Variants in DLEC1 observed in about 807,000 individuals in gnomAD.
DLEC1 encodes DLEC1 cilia and flagella associated protein.
Under a neutral mutation model 198.1 loss-of-function variants are expected in DLEC1, and 146 were observed. The ratio of observed to expected loss-of-function variants is 0.74; its 90% CI spans 0.64 to 0.85. DLEC1 has a LOEUF of 0.85. Ranked by LOEUF, DLEC1 falls within the 40% of genes least tolerant of loss-of-function variation. The pLI is 0.00. For synonymous variants in DLEC1, 897 were observed against 866.8 expected, an observed-to-expected ratio of 1.03 and a Z score of -0.61; for missense variants, 2,233 against 2,220.0, an observed-to-expected ratio of 1.01 and a Z score of -0.12.
At chr3:38,094,055 A>C (rs1209650949) in intron 12 of DLEC1, among the ~76,000 whole-genome samples, 1 of 152,172 alleles carries the variant, frequency 6.6e-6, no homozygotes, top group Non-Finnish European at 1.5e-5. Context: ...GCAGATCTGT[A>C]AGATCTCCAT....
chr3:38,096,449 G>T (rs1699021415), intron 14 of DLEC1, 120 bp from the exon 15 acceptor site: 1 of 1,196,670 alleles, frequency 8.4e-7, no homozygotes. Context: ...GGGGGCTCAG[G>T]AGCTGTGGGT....
At chr3:38,040,869 T>C (rs1700620598) in intron 1 of DLEC1, among the ~76,000 whole-genome samples, 1 of 152,148 alleles carries the variant, frequency 6.6e-6, no homozygotes, top group Non-Finnish European at 1.5e-5. Context: ...TGACAGAGTC[T>C]GGCTCTGTTG....
chr3:38,106,890 T>C (rs1699596702), intron 19 of DLEC1, among the ~76,000 whole-genome samples: 1 of 152,088 alleles, frequency 6.6e-6, no homozygotes, highest in Non-Finnish European at 1.5e-5. Context: ...CCTTCAGCCG[T>C]TCAGACATGT....
At chr3:38,121,023 A>G (rs1304638683) in intron 34 of DLEC1, among the ~76,000 whole-genome samples, 2 of 150,090 alleles carry the variant, frequency 1.3e-5, no homozygotes, top group East Asian at 3.9e-4. Flanking sequence ...AGCACCATGG[A>G]CCAGGTCACC....
At chr3:38,084,494 A>G (rs140778850) in intron 7 of DLEC1, among the ~76,000 whole-genome samples, 104 of 668 alleles carry the variant, frequency 0.16, 3 homozygotes, top group South Asian at 0.23. Context: ...TAGTGGTGGT[A>G]GTAGTAGTGG....
At chr3:38,053,896 C>A (rs192751134) in intron 2 of DLEC1, among the ~76,000 whole-genome samples, 2 of 152,224 alleles carry the variant, frequency 1.3e-5, no homozygotes, top group Admixed American at 1.3e-4. Context: ...AACCTTACCC[C>A]CAACCCCGTG....
At chr3:38,049,073 G>GT (rs34325195) in intron 2 of DLEC1, among the ~76,000 whole-genome samples, 3,830 of 148,102 alleles carry the variant, frequency 0.026, 149 homozygotes, top group African/African-American at 0.085. Flanking sequence ...AACTATTTGG[G>GT]TTTTTTTTTT....
rs779299858 is a variant in DLEC1, at chr3:38,114,404, C to T, written c.3729C>T (p.Ser1243=). Residue 1243 remains serine, a synonymous_variant, in exon 26 of 37, where the codon AGC becomes AGT. Coordinates refer to ENST00000308059, the MANE Select transcript of DLEC1 (RefSeq NM_007335.4). ...TGGCAGCGGTGGGCTGCCCCATCAG[C>T]TCCCTGAGGACCACCTCCTACACTA... The part of the protein sequence containing the change: ...VHMAAVGCPI[S]SLRTTSYTID... The T allele has an allele frequency of 6.2e-7, 1 of 1,614,166 alleles. No individual in the cohort carries two copies. Among genetic ancestry groups the T allele is most frequent in the Non-Finnish European group, 8.5e-7 (1 of 1,180,024 alleles).
At chr3:38,058,983 C>T (rs764073351) in intron 2 of DLEC1, among the ~76,000 whole-genome samples, 1 of 152,134 alleles carries the variant, frequency 6.6e-6, no homozygotes, top group Non-Finnish European at 1.5e-5. Context: ...CTTTGGAATA[C>T]CTATAAATAA....
chr3:38,095,799 G>C, intron 13 of DLEC1, 89 bp from the exon 14 acceptor site: 11 of 1,535,816 alleles, frequency 7.2e-6, no homozygotes, highest in Non-Finnish European at 9.9e-6. Context: ...AGGCTAAGGG[G>C]AGGAAGAATT....
intron 20 of DLEC1, 68 bp downstream of exon 20, chr3:38,107,805 G>A (rs189014634): frequency 1.4e-3 from 2,074 of 1,525,550 alleles, no homozygotes; most frequent in Non-Finnish European, 1.7e-3. Context: ...ATAGAGGGGG[G>A]CATTGTCCCC....
chr3:38,116,336 C>T (rs1207370387), intron 27 of DLEC1, 117 bp from the exon 28 acceptor site: 1 of 975,184 alleles, frequency 1.0e-6, no homozygotes, highest in Non-Finnish European at 1.5e-6. Flanking sequence ...GAGGCACCCC[C>T]TCCACCTGGG....
In DLEC1 at chr3:38,122,598, TA is replaced by T. The variant is rs773735963; in HGVS notation, c.*188del. On this transcript the variant is annotated 3_prime_UTR_variant, in exon 37 of 37. Transcript: ENST00000308059. ...GGCCCTCATGATATGTCCTCAGAGC[TA>T]ACATAAAGGACAGGCCACACCACAG... The T allele has an allele frequency of 8.7e-5, 138 of 1,579,340 alleles. No individual in the cohort carries two copies. Among genetic ancestry groups the T allele is most frequent in the Non-Finnish European group, 1.1e-4 (132 of 1,166,594 alleles).
chr3:38,050,306 G>A (rs1701054407), intron 2 of DLEC1, among the ~76,000 whole-genome samples: 1 of 152,142 alleles, frequency 6.6e-6, no homozygotes, highest in Non-Finnish European at 1.5e-5. Flanking sequence ...AACGTCTTAA[G>A]AAAGCCCTGC....
intron 8 of DLEC1, among the ~76,000 whole-genome samples, chr3:38,085,928 T>G (rs1194926799): frequency 1.3e-5 from 2 of 152,204 alleles, no homozygotes; most frequent in Admixed American, 6.5e-5. Context: ...TCCCCCTTAC[T>G]TCTGCCATAG....
intron 6 of DLEC1, among the ~76,000 whole-genome samples, chr3:38,077,092 A>G: frequency 6.6e-6 from 1 of 152,232 alleles, no homozygotes; most frequent in Non-Finnish European, 1.5e-5. Flanking sequence ...ATCTGATTAG[A>G]GAGTGCCTAA....
chr3:38,039,585 C>T lies in DLEC1; in HGVS notation c.360C>T (p.Ala120=), dbSNP rs373623327. 1.2e-6 allele frequency: 2 copies of T among 1,612,168 alleles called. No individual in the cohort carries two copies. The highest frequency in any genetic ancestry group is 8.5e-7 in the Non-Finnish European group (1 of 1,178,912). The stretch of plus-strand genomic sequence containing the variant: ...AAGTGAGCGCAAGCTTGATCAAGGC[C>T]CGCGGCAGCGAGAATGAGCGCCACG... ...GDEVSASLIK[A]RGSENERHEE... Residue 120 remains alanine (A), a synonymous_variant, in exon 1 of 37, where the codon GCC becomes GCT. Coordinates refer to ENST00000308059, the MANE Select transcript of DLEC1 (RefSeq NM_007335.4).
At chr3:38,070,977 T>C (rs1224163356) in intron 6 of DLEC1, among the ~76,000 whole-genome samples, 1 of 151,940 alleles carries the variant, frequency 6.6e-6, no homozygotes, top group Non-Finnish European at 1.5e-5. Context: ...AACAAAATAG[T>C]GTTGAAGTGT....
intron 6 of DLEC1, among the ~76,000 whole-genome samples, chr3:38,072,521 G>A (rs1030700243): frequency 1.6e-4 from 25 of 152,192 alleles, no homozygotes; most frequent in African/African-American, 3.4e-4. Context: ...GTTGGGATGA[G>A]TCAGGGAGAG....
Sources: gnomAD v4.1 joint callset for allele counts (sites outside exome capture counted in the v4.1 genomes callset) on GRCh38, gnomAD v4.1.1 for gene constraint, MANE v1.5 for transcripts, NCBI Gene and HGNC (gene_info 2026-07-23, HGNC 2026-07-21) for gene names.